The following TBL1X variants were observed in gnomAD, a reference collection of about 807,000 sequenced individuals.
The protein encoded by TBL1X is F-box-like/WD repeat-containing protein TBL1X.
TBL1X carries 10 observed loss-of-function variants against 50.7 expected under a neutral mutation model. The ratio of observed to expected loss-of-function variants is 0.20; its 90% CI spans 0.12 to 0.33. TBL1X has a LOEUF of 0.33. TBL1X is among the 10% of genes least tolerant of loss of function. The pLI is 1.00. For synonymous variants in TBL1X, 190 were observed against 214.7 expected (o/e 0.88, Z 1.01); for missense variants, 340 against 504.4 (o/e 0.67, Z 3.12).
In TBL1X at chrX:9,511,125, G is replaced by T. The variant is rs1034117218; in HGVS notation, c.-131+9276G>T. Among the ~76,000 whole-genome samples the T allele has an allele frequency of 3.6e-5, 4 of 112,214 alleles. No individual in the cohort carries two copies. The Admixed American group carries it at 3.8e-4, about 11-fold the overall frequency. On this transcript the variant is annotated intron_variant, in intron 2 of 17. Transcript: ENST00000645353. ...ACTCTCTGGCCCTTTACAGAAAAAA[G>T]GCCAAGCATTGGATTTGGTAAGTGA...
intron 2 of TBL1X, among the ~76,000 whole-genome samples, chrX:9,585,340 T>TCCC (rs397840236): frequency 4.1e-4 from 24 of 58,135 alleles, no homozygotes; most frequent in African/African-American, 9.4e-4. Flanking sequence ...CCCCCTCCCC[T>TCCC]CCCCCCCCCG....
At chrX:9,489,695 A>G (rs2045657859) in intron 1 of TBL1X, among the ~76,000 whole-genome samples, 1 of 111,556 alleles carries the variant, frequency 9.0e-6, no homozygotes, top group African/African-American at 3.3e-5. Context: ...CTAACATCCC[A>G]TTGACCAAAA....
Position 9,597,402 on chromosome X carries a change from T to C in TBL1X, c.-130-42871T>C, listed in dbSNP as rs188499665. Among the ~76,000 whole-genome samples, 999 of 112,029 alleles carry C rather than the reference T, an allele frequency of 8.9e-3. 11 individuals carry two copies. The highest frequency in any genetic ancestry group is 0.057 in the South Asian group (152 of 2,655). Reference sequence around the variant, plus strand: ...TGTTTCAGAAGACTCAAGTCTACACTGCCTCTGCCACTGAAGTTCCTTTTG... The same window carrying C: ...TGTTTCAGAAGACTCAAGTCTACACCGCCTCTGCCACTGAAGTTCCTTTTG... On this transcript the variant is annotated intron_variant, in intron 2 of 17. Coordinates refer to ENST00000645353, the MANE Select transcript of TBL1X (RefSeq NM_005647.4).
chrX:9,711,909 G>A (rs187339646), intron 16 of TBL1X, 133 bp downstream of exon 16: 2 of 697,435 alleles, frequency 2.9e-6, no homozygotes, highest in African/African-American at 4.5e-5. Flanking sequence ...AGACCCAGTG[G>A]ATGCTGTCCA....
At chrX:9,590,254 A>G (rs1445902312) in intron 2 of TBL1X, among the ~76,000 whole-genome samples, 1 of 111,864 alleles carries the variant, frequency 8.9e-6, no homozygotes, top group Non-Finnish European at 1.9e-5. Flanking sequence ...GCTAATTGCT[A>G]TGTTTGTGTA....
chrX:9,589,610 A>C (rs1394719692), intron 2 of TBL1X, among the ~76,000 whole-genome samples: 1 of 111,190 alleles, frequency 9.0e-6, no homozygotes, highest in Non-Finnish European at 1.9e-5. Context: ...CTGTTGTTTA[A>C]CTTTTCATCC....
At chrX:9,568,733 T>C (rs777541004) in intron 2 of TBL1X, among the ~76,000 whole-genome samples, 3 of 107,890 alleles carry the variant, frequency 2.8e-5, no homozygotes, top group Admixed American at 2.0e-4. Flanking sequence ...GCTGTGTGTG[T>C]GTCTGTGTTG....
intron 2 of TBL1X, among the ~76,000 whole-genome samples, chrX:9,597,518 G>GCCT (rs999725417): frequency 8.9e-5 from 10 of 112,376 alleles, no homozygotes; most frequent in African/African-American, 3.2e-4. Context: ...AGCAGTGAAT[G>GCCT]CCTAGTTCCT....
intron 2 of TBL1X, among the ~76,000 whole-genome samples, chrX:9,619,587 G>A (rs2082656468): frequency 8.9e-6 from 1 of 112,430 alleles, no homozygotes; most frequent in Admixed American, 9.4e-5. Flanking sequence ...TACATTCAAT[G>A]TTATTTTCAT....
rs748376903 is a variant in TBL1X, at chrX:9,711,782, C to T, written c.1605+6C>T. The T allele has an allele frequency of 8.4e-7, 1 of 1,184,663 alleles. No homozygotes were observed. The highest frequency in any genetic ancestry group is 1.9e-5 in the South Asian group (1 of 52,975). On this transcript the variant is annotated splice_donor_region_variant and intron_variant, in intron 16 of 17. Coordinates refer to ENST00000645353, the MANE Select transcript of TBL1X (RefSeq NM_005647.4). ...TCCATATCTGGAATACTCAGGTAAG[C>T]TCCCGACCCCTACACCAAATCCTTT...
chrX:9,654,408 T>TGGA, intron 5 of TBL1X, 86 bp downstream of exon 5: 1 of 784,388 alleles, frequency 1.3e-6, no homozygotes, highest in Non-Finnish European at 1.8e-6. Flanking sequence ...AAAACCAGGC[T>TGGA]GTAGAAGAAG....
At chrX:9,664,112 T>G (rs189917195) in intron 5 of TBL1X, among the ~76,000 whole-genome samples, 2 of 112,332 alleles carry the variant, frequency 1.8e-5, no homozygotes, top group African/African-American at 6.5e-5. Flanking sequence ...TGATCCTCTT[T>G]GACAGTAGTG....
intron 2 of TBL1X, among the ~76,000 whole-genome samples, chrX:9,565,114 C>CA (rs1258758887): frequency 2.8e-5 from 3 of 106,175 alleles, no homozygotes; most frequent in Non-Finnish European, 5.8e-5. Flanking sequence ...ACTAAAAATA[C>CA]AAAAAAAATT....
At chrX:9,704,603 G>A (rs1335211103) in intron 12 of TBL1X, among the ~76,000 whole-genome samples, 1 of 111,980 alleles carries the variant, frequency 8.9e-6, no homozygotes, top group Admixed American at 9.4e-5. Flanking sequence ...GGGGCTTCTT[G>A]GCTGGGTGCA....
intron 2 of TBL1X, among the ~76,000 whole-genome samples, chrX:9,613,813 C>T (rs1402430047): frequency 1.8e-5 from 2 of 109,001 alleles, no homozygotes; most frequent in African/African-American, 3.3e-5. Context: ...TGGTGAAACC[C>T]TGTCTCTACT....
intron 7 of TBL1X, 120 bp downstream of exon 7, chrX:9,688,395 T>A: frequency 1.6e-6 from 1 of 644,218 alleles, no homozygotes; most frequent in Non-Finnish European, 2.2e-6. Flanking sequence ...AGCTGCTCTC[T>A]AGTGTTTGCT....
At chrX:9,627,112 A>G (rs1413930179) in intron 2 of TBL1X, among the ~76,000 whole-genome samples, 1 of 112,098 alleles carries the variant, frequency 8.9e-6, no homozygotes, top group Non-Finnish European at 1.9e-5. Context: ...GCCACCAATA[A>G]TGTACGGATT....
chrX:9,491,244 A>T (rs2081939773), intron 1 of TBL1X, among the ~76,000 whole-genome samples: 2 of 103,658 alleles, frequency 1.9e-5, no homozygotes, highest in Admixed American at 2.1e-4. Context: ...AGGCCTTCCA[A>T]AGTATTGGGA....
intron 5 of TBL1X, among the ~76,000 whole-genome samples, chrX:9,659,132 T>A (rs2146604566): frequency 9.0e-6 from 1 of 111,621 alleles, no homozygotes; most frequent in East Asian, 2.8e-4. Flanking sequence ...TGGCCAAAAA[T>A]ATTTTTTAAA....
Sources: allele counts gnomAD v4.1 joint callset (sites outside exome capture counted in the v4.1 genomes callset), GRCh38; gene constraint gnomAD v4.1.1; transcripts MANE v1.5; gene names NCBI Gene and HGNC (gene_info 2026-07-23, HGNC 2026-07-21).